The following NUP98 variants were observed in gnomAD, a reference collection of about 807,000 sequenced individuals.
NUP98 encodes the protein nuclear pore complex protein Nup98-Nup96.
A neutral mutation model predicts 191.9 loss-of-function variants in NUP98; 26 were observed. The ratio of observed to expected loss-of-function variants is 0.14; its 90% CI spans 0.10 to 0.19. The LOEUF (loss-of-function observed/expected upper bound fraction) is 0.19, where lower values mean the gene tolerates loss of function less well. NUP98 is among the 10% of genes least tolerant of loss of function. NUP98 has a pLI of 1.00. For synonymous variants in NUP98, 808 were observed against 778.4 expected (o/e 1.04, Z -0.63); for missense variants, 1,941 against 2,178.8 (o/e 0.89, Z 2.17).
rs934614322 is a variant in NUP98, at chr11:3,760,125, A to C, written c.1174+414T>G. On this transcript the variant is annotated intron_variant, in intron 10 of 32. Transcript: ENST00000324932. ...CCTGTTCTCCACCAAAAAAAAAAAAAAAAACAAAAACAAAACAACACAACA... is the reference window on the plus strand; with the variant it reads ...CCTGTTCTCCACCAAAAAAAAAAAACAAAACAAAAACAAAACAACACAACA... The C allele has an allele frequency of 6.2e-5, 11 of 176,992 alleles. No homozygotes were observed. In the South Asian group the frequency reaches 7.7e-4, roughly 12 times the overall value. The allele number at this position is 176,992 out of a possible 1,614,324, so 11.0% of individuals were successfully genotyped here.
intron 12 of NUP98, among the ~76,000 whole-genome samples, chr11:3,744,020 C>G (rs1446360011): frequency 1.3e-5 from 2 of 152,138 alleles, no homozygotes; most frequent in Admixed American, 6.6e-5. Context: ...GATCACATCA[C>G]TGCACTCCAG....
In NUP98 at chr11:3,702,724, G is replaced by A; in HGVS notation, c.3251C>T (p.Ala1084Val). The A allele has an allele frequency of 1.2e-6, 2 of 1,614,098 alleles. No homozygotes were observed. The highest frequency in any genetic ancestry group is 1.7e-6 in the Non-Finnish European group (2 of 1,179,938). The stretch of plus-strand genomic sequence containing the variant: ...CACTGTTTTCAACGGAACCTCAGGG[G>A]CTGGGCTGGGCATTGTGAACACAGA... ...LTSVFTMPSP[A>V]PEVPLKTVGT... The change falls in exon 23 of 33, where the codon GCC becomes GTC. Residue 1084 changes from alanine (A) to valine (V), a missense_variant. This residue lies in a region of NUP98 where 1,030 missense variants were observed against 1,115.8 expected (regional missense o/e 0.92). Coordinates refer to ENST00000324932, the MANE Select transcript of NUP98 (RefSeq NM_016320.5).
At chr11:3,759,040 G>C (rs1473020071) in intron 10 of NUP98, among the ~76,000 whole-genome samples, 1 of 152,026 alleles carries the variant, frequency 6.6e-6, no homozygotes, top group Non-Finnish European at 1.5e-5. Context: ...TCTTCCAATA[G>C]ATGTTTAATA....
chr11:3,690,489 T>C (rs2078278267), intron 28 of NUP98, among the ~76,000 whole-genome samples: 1 of 149,872 alleles, frequency 6.7e-6, no homozygotes, highest in Non-Finnish European at 1.5e-5. Context: ...CTCGATCTCC[T>C]GACCTCGTGA....
intron 4 of NUP98, 52 bp from the exon 5 acceptor site, chr11:3,776,073 T>C: frequency 7.1e-7 from 1 of 1,411,810 alleles, no homozygotes; most frequent in Non-Finnish European, 9.9e-7. Flanking sequence ...TTTAAGAATG[T>C]ATAAGATGCA....
At chr11:3,728,990 T>C (rs1018224921) in intron 14 of NUP98, among the ~76,000 whole-genome samples, 26 of 152,282 alleles carry the variant, frequency 1.7e-4, no homozygotes, top group Non-Finnish European at 2.6e-4. Context: ...AATGCAATCA[T>C]CTGAGACAGG....
chr11:3,780,553 AAAAAAAAAAGAAAAAGAAAAAGAAAAAG>A (rs1306116016), intron 2 of NUP98, among the ~76,000 whole-genome samples: 10 of 146,214 alleles, frequency 6.8e-5, no homozygotes, highest in African/African-American at 2.7e-4. Flanking sequence ...AAAAAAAAAA[AAAAAAAAAAGAAAAAGAAAAAGAAAAAG>A]AAAAACTTCC....
At chr11:3,775,551 AC>A (rs2081688366) in intron 5 of NUP98, among the ~76,000 whole-genome samples, 3 of 147,464 alleles carry the variant, frequency 2.0e-5, no homozygotes, top group Non-Finnish European at 4.4e-5. Flanking sequence ...AAACAAAATA[AC>A]AAAAAAAAAA....
intron 13 of NUP98, among the ~76,000 whole-genome samples, chr11:3,734,040 CT>C (rs146511321): frequency 5.6e-4 from 81 of 145,816 alleles, no homozygotes; most frequent in Non-Finnish European, 5.9e-4. Flanking sequence ...TCCCATTTCT[CT>C]TTTTTTTTTT....
rs564826156 is a variant in NUP98 at position 3,776,100 on chromosome 11, G to A, written c.356-79C>T. 36 of 1,063,648 alleles carry A rather than the reference G, an allele frequency of 3.4e-5. No individual in the cohort carries two copies. The African/African-American group carries it at 3.4e-4, about 10-fold the overall frequency. 65.9% of individuals were successfully genotyped at this position (1,063,648 alleles called of 1,614,324 possible). A position where few individuals can be genotyped will look rare whatever the true frequency, so the allele number is the denominator to read the frequency against. On this transcript the variant is annotated intron_variant, in intron 4 of 32. Coordinates refer to ENST00000324932, the MANE Select transcript of NUP98 (RefSeq NM_016320.5). ...TAAGATGCATTGGAATTGGGCTATGGCACTAGCATCACAGTACTTCATTTT... is the reference window on the plus strand; with the variant it reads ...TAAGATGCATTGGAATTGGGCTATGACACTAGCATCACAGTACTTCATTTT...
At chr11:3,760,864 C>T (rs999273338) in intron 9 of NUP98, among the ~76,000 whole-genome samples, 6 of 152,030 alleles carry the variant, frequency 3.9e-5, no homozygotes, top group Non-Finnish European at 7.4e-5. Flanking sequence ...CTAAGGATTA[C>T]GACTGAAACA....
chr11:3,778,781 G>A, intron 4 of NUP98, 92 bp downstream of exon 4: 4 of 1,319,818 alleles, frequency 3.0e-6, no homozygotes, highest in Non-Finnish European at 4.2e-6. Context: ...AGGAAAAGAA[G>A]GTAGATGAAC....
intron 24 of NUP98, 125 bp from the exon 25 acceptor site, chr11:3,699,473 C>CTGAT: frequency 1.0e-6 from 1 of 992,980 alleles, no homozygotes; most frequent in East Asian, 2.6e-5. Context: ...ACCACTCAAG[C>CTGAT]TGATTACCCT....
At chr11:3,693,926 T>G (rs1347713067) in intron 26 of NUP98, among the ~76,000 whole-genome samples, 1 of 152,088 alleles carries the variant, frequency 6.6e-6, no homozygotes, top group East Asian at 1.9e-4. Flanking sequence ...GGAACATAAG[T>G]GGCTATAAAA....
At chr11:3,785,654 G>A (rs1380849232) in intron 1 of NUP98, among the ~76,000 whole-genome samples, 1 of 152,128 alleles carries the variant, frequency 6.6e-6, no homozygotes, top group Admixed American at 6.5e-5. Context: ...AGCTACTCGG[G>A]TGGCTAAGGC....
intron 11 of NUP98, among the ~76,000 whole-genome samples, chr11:3,750,568 C>G (rs1038104785): frequency 2.0e-5 from 3 of 152,276 alleles, no homozygotes; most frequent in Middle Eastern, 6.8e-3. Context: ...CACATAAACA[C>G]AAACACAACT....
chr11:3,689,683 C>T (rs2078244903), intron 28 of NUP98, among the ~76,000 whole-genome samples: 2 of 152,138 alleles, frequency 1.3e-5, no homozygotes, highest in African/African-American at 4.8e-5. Flanking sequence ...TCCTATTGCC[C>T]AGGCTGGAGT....
intron 12 of NUP98, among the ~76,000 whole-genome samples, chr11:3,739,571 T>C (rs1419035285): frequency 6.6e-6 from 1 of 152,016 alleles, no homozygotes; most frequent in Non-Finnish European, 1.5e-5. Flanking sequence ...AAGCTAAGTA[T>C]AAAATCCGCA....
Position 3,723,370 on chromosome 11 carries a change from G to C in NUP98, c.1933C>G (p.Pro645Ala), listed in dbSNP as rs368460255. 4.5e-5 allele frequency: 72 copies of C among 1,613,794 alleles called. No individual in the cohort carries two copies. Among genetic ancestry groups the C allele is most frequent in the Non-Finnish European group, 6.0e-5 (71 of 1,179,958 alleles). The change falls in exon 16 of 33, where the codon CCT becomes GCT. Residue 645 changes from proline to alanine, a missense_variant. This residue lies in a region of NUP98 where 453 missense variants were observed against 438.2 expected (regional missense o/e 1.03). Transcript: ENST00000324932. ...GTTTGAGGAATAGGTTTGGCAATAGGGTTAGTATAAAAATGTGAAACAAGG... is the reference window on the plus strand; with the variant it reads ...GTTTGAGGAATAGGTTTGGCAATAGCGTTAGTATAAAAATGTGAAACAAGG... ...DSLVSHFYTN[P>A]IAKPIPQTPE...
Sources: gnomAD v4.1 joint callset for allele counts (sites outside exome capture counted in the v4.1 genomes callset) on GRCh38, gnomAD v4.1.1 for gene constraint, gnomAD v4.1.1 regional missense constraint, MANE v1.5 for transcripts, NCBI Gene and HGNC (gene_info 2026-07-23, HGNC 2026-07-21) for gene names.